Variants in GALNT11 observed in about 807,000 individuals in gnomAD.
GALNT11 encodes polypeptide N-acetylgalactosaminyltransferase 11.
A neutral mutation model predicts 72.7 loss-of-function variants in GALNT11; 47 were observed. That is an observed-to-expected ratio of 0.65 (90% CI 0.51 to 0.82). The LOEUF (loss-of-function observed/expected upper bound fraction) is 0.82. Among genes scored for constraint, GALNT11 ranks in the 40% least tolerant of loss-of-function variants. The pLI, the probability that GALNT11 is intolerant of heterozygous loss-of-function variation, is 0.00. For synonymous variants in GALNT11, 270 were observed against 286.6 expected (o/e 0.94, Z 0.58); for missense variants, 677 against 778.4 (o/e 0.87, Z 1.55).
At chr7:152,061,918 A>G (rs2084039888) in intron 1 of GALNT11, among the ~76,000 whole-genome samples, 1 of 152,210 alleles carries the variant, frequency 6.6e-6, no homozygotes, top group Non-Finnish European at 1.5e-5. Flanking sequence ...TGATGCCTCC[A>G]GCTTTGTTCT....
At position 152,076,788 on chromosome 7, in the gene GALNT11, T is replaced by C. The variant is rs570369593; in HGVS notation, c.-38-17402T>C. 2.6e-5 allele frequency among the ~76,000 whole-genome samples: 4 copies of C among 152,360 alleles called. No individual in the cohort carries two copies. The South Asian group carries it at 6.2e-4, about 24-fold the overall frequency. On this transcript the variant is annotated intron_variant, in intron 1 of 11. Transcript: ENST00000430044. The stretch of plus-strand genomic sequence containing the variant: ...AACAGTAACTGCGATGTTTATTTAC[T>C]GGGCTTGGTTAACAGCATGAGCTAG...
At position 152,113,248 on chromosome 7, in the gene GALNT11, C is replaced by A. The variant is rs202046894; in HGVS notation, c.1083C>A (p.Ile361=). 1.9e-5 allele frequency: 31 copies of A among 1,611,822 alleles called. No homozygotes were observed. Among genetic ancestry groups the A allele is most frequent in the Middle Eastern group, 1.7e-4 (1 of 6,048 alleles). ...CACCTGTTTTTGCTTCTGGCCAGAT[C>A]TGGATGTGTGGCGGTAAGCTCTTCA... is the stretch of plus-strand genomic sequence containing the variant. ...GGENLEISFR[I]WMCGGKLFII... is the part of the protein sequence containing the mutation. Residue 361 remains isoleucine (I), a splice_region_variant and synonymous_variant, in exon 8 of 12, where the codon ATC becomes ATA. Coordinates refer to ENST00000430044, the MANE Select transcript of GALNT11 (RefSeq NM_022087.4).
At chr7:152,116,984 G>C in intron 8 of GALNT11, 173 bp from the exon 9 acceptor site, 1 of 713,224 alleles carries the variant, frequency 1.4e-6, no homozygotes, top group Non-Finnish European at 2.5e-6. Context: ...ACGAGTTTGA[G>C]ACCCACTGAT....
At chr7:152,096,663 C>A (rs1188869140) in intron 2 of GALNT11, among the ~76,000 whole-genome samples, 1 of 143,698 alleles carries the variant, frequency 7.0e-6, no homozygotes, top group Non-Finnish European at 1.5e-5. Flanking sequence ...TGCAGTGAGT[C>A]AAGATCGCGC....
intron 1 of GALNT11, among the ~76,000 whole-genome samples, chr7:152,068,243 TC>T (rs2084429152): frequency 6.6e-6 from 1 of 152,220 alleles, no homozygotes; most frequent in Non-Finnish European, 1.5e-5. Flanking sequence ...TTTTACCTTT[TC>T]CAGAATGTCA....
rs28502469 is a variant in GALNT11 at position 152,088,083 on chromosome 7, C to T, written c.-38-6107C>T. On this transcript the variant is annotated intron_variant, in intron 1 of 11. Transcript: ENST00000430044. ...CTTATCTCTGGGAATTCCCATTTAG[C>T]ATAGCTGGCGTGGAGCCCTGGGAAT... Among the ~76,000 whole-genome samples, 1,136 of 152,284 alleles carry T rather than the reference C, an allele frequency of 7.5e-3. 16 individuals carry two copies. Among genetic ancestry groups the T allele is most frequent in the African/African-American group, 0.026 (1,097 of 41,568 alleles).
chr7:152,121,835 A>C lies in GALNT11; in HGVS notation c.*158A>C. 1 of 869,448 alleles carries C rather than the reference A, an allele frequency of 1.2e-6. No individual in the cohort carries two copies. Among genetic ancestry groups the C allele is most frequent in the Non-Finnish European group, 1.7e-6 (1 of 588,014 alleles). 53.9% of individuals were successfully genotyped at this position (869,448 alleles called of 1,614,324 possible). A position where few individuals can be genotyped will look rare whatever the true frequency, so the allele number is the denominator to read the frequency against. ...ATGCCTGGGTGTGTTAGCAGAGGTGACACGTGTCTGACAGAGACGGGAGCT... is the reference window on the plus strand; with the variant it reads ...ATGCCTGGGTGTGTTAGCAGAGGTGCCACGTGTCTGACAGAGACGGGAGCT... On this transcript the variant is annotated 3_prime_UTR_variant, in exon 12 of 12. Transcript: ENST00000430044.
chr7:152,041,739 C>T (rs1221127471), intron 1 of GALNT11, among the ~76,000 whole-genome samples: 4 of 152,230 alleles, frequency 2.6e-5, no homozygotes, highest in African/African-American at 9.6e-5. Context: ...ATAGATTACT[C>T]ATGGCATAGG....
chr7:152,093,100 G>A (rs1325335441), intron 1 of GALNT11, among the ~76,000 whole-genome samples: 2 of 152,016 alleles, frequency 1.3e-5, no homozygotes, highest in Admixed American at 1.3e-4. Flanking sequence ...ATGGTGGCAC[G>A]CACCTGTAAT....
intron 1 of GALNT11, among the ~76,000 whole-genome samples, chr7:152,068,690 T>C (rs1418746770): frequency 6.6e-6 from 1 of 152,174 alleles, no homozygotes; most frequent in Non-Finnish European, 1.5e-5. Flanking sequence ...TCTAATCAGT[T>C]TTACCTGGCT....
rs1463404863 is a variant in GALNT11, at chr7:152,025,724, G to C, written c.-199G>C. 6.6e-6 allele frequency: 1 copy of C among 151,902 alleles called. No individual in the cohort carries two copies. The highest frequency in any genetic ancestry group is 2.4e-5 in the African/African-American group (1 of 41,234). The allele number at this position is 151,902 out of a possible 1,614,324, so 9.4% of individuals were successfully genotyped here. A position where few individuals can be genotyped will look rare whatever the true frequency, so the allele number is the denominator to read the frequency against. The stretch of plus-strand genomic sequence containing the variant: ...GCGAGGGCCCTGGGCCTGAGGAGGC[G>C]CGGCCGCCACTGCGCCCAGCGCCTG... On this transcript the variant is annotated 5_prime_UTR_variant, in exon 1 of 12. Coordinates refer to ENST00000430044, the MANE Select transcript of GALNT11 (RefSeq NM_022087.4).
chr7:152,117,423 G>A (rs1563084069), intron 9 of GALNT11, 48 bp downstream of exon 9: 2 of 1,585,626 alleles, frequency 1.3e-6, no homozygotes, highest in Non-Finnish European at 8.7e-7. Context: ...CGTTTGATAT[G>A]AAAAGTTTTG....
At chr7:152,027,172 C>G (rs906572693) in intron 1 of GALNT11, among the ~76,000 whole-genome samples, 2 of 152,118 alleles carry the variant, frequency 1.3e-5, no homozygotes, top group Non-Finnish European at 2.9e-5. Context: ...TGGCGTGAAT[C>G]GAGGAGGCAG....
chr7:152,072,129 G>C (rs1489959575), intron 1 of GALNT11, among the ~76,000 whole-genome samples: 1 of 151,272 alleles, frequency 6.6e-6, no homozygotes, highest in Non-Finnish European at 1.5e-5. Context: ...AGACCAGCCT[G>C]GCCAACATGA....
intron 1 of GALNT11, among the ~76,000 whole-genome samples, chr7:152,054,157 A>G (rs2083537113): frequency 1.3e-5 from 2 of 152,050 alleles, no homozygotes; most frequent in Non-Finnish European, 2.9e-5. Flanking sequence ...AATTTTGCCC[A>G]TCACCTTTTG....
intron 9 of GALNT11, chr7:152,118,115 C>T: frequency 6.5e-6 from 1 of 154,326 alleles, no homozygotes; most frequent in Non-Finnish European, 1.4e-5. Flanking sequence ...TTCTCTCTAC[C>T]CTATAATAAG....
intron 3 of GALNT11, among the ~76,000 whole-genome samples, chr7:152,101,790 C>T (rs1030972454): frequency 1.4e-4 from 22 of 152,012 alleles, no homozygotes; most frequent in Non-Finnish European, 2.4e-4. Context: ...TGCACCACCA[C>T]GCCTGGTTAA....
At chr7:152,072,465 T>C (rs1230831941) in intron 1 of GALNT11, among the ~76,000 whole-genome samples, 1 of 152,238 alleles carries the variant, frequency 6.6e-6, no homozygotes, top group Non-Finnish European at 1.5e-5. Flanking sequence ...AATAACTCTC[T>C]GTTAAGCCTT....
At chr7:152,105,408 A>G (rs1444573704) in intron 5 of GALNT11, 38 bp downstream of exon 5, 6 of 1,595,906 alleles carry the variant, frequency 3.8e-6, no homozygotes, top group South Asian at 1.1e-5. Flanking sequence ...CAGGTGTTGG[A>G]TGACAAGGGC....
Sources: allele counts gnomAD v4.1 joint callset (sites outside exome capture counted in the v4.1 genomes callset), GRCh38; gene constraint gnomAD v4.1.1; transcripts MANE v1.5; gene names NCBI Gene and HGNC (gene_info 2026-07-23, HGNC 2026-07-21).